FGFR2: variants seen among roughly 807,000 people sequenced by gnomAD.
The protein encoded by FGFR2 is BEK fibroblast growth factor receptor.
Under a neutral mutation model 95.9 loss-of-function variants are expected in FGFR2, and 19 were observed. That is an observed-to-expected ratio of 0.20 (90% CI 0.14 to 0.29). The LOEUF is 0.29. Among genes scored for constraint, FGFR2 ranks in the 10% least tolerant of loss-of-function variants. The pLI is 1.00. For missense variants in FGFR2, 707 were observed against 1,056.9 expected, an observed-to-expected ratio of 0.67 and a Z score of 4.59; for synonymous variants, 392 against 393.3, an observed-to-expected ratio of 1.00 and a Z score of 0.04.
intron 9 of FGFR2, among the ~76,000 whole-genome samples, chr10:121,514,298 A>C (rs1242492171): frequency 1.3e-5 from 2 of 152,212 alleles, no homozygotes; most frequent in Non-Finnish European, 2.9e-5. Context: ...TCTGTGAATA[A>C]GCAGAAAAGA....
At chr10:121,596,256 C>T (rs1341323390) in intron 1 of FGFR2, among the ~76,000 whole-genome samples, 1 of 152,198 alleles carries the variant, frequency 6.6e-6, no homozygotes, top group Non-Finnish European at 1.5e-5. Flanking sequence ...GGTCCATTTT[C>T]ACCTCGGCAC....
At chr10:121,566,892 C>G (rs950853840) in intron 2 of FGFR2, among the ~76,000 whole-genome samples, 3 of 152,018 alleles carry the variant, frequency 2.0e-5, no homozygotes, top group Non-Finnish European at 2.9e-5. Flanking sequence ...AGGATCCAAC[C>G]CACACAACCT....
At chr10:121,563,350 G>T (rs1857233329) in intron 4 of FGFR2, among the ~76,000 whole-genome samples, 1 of 152,094 alleles carries the variant, frequency 6.6e-6, no homozygotes, top group Non-Finnish European at 1.5e-5. Flanking sequence ...CTCCAGCCTG[G>T]GTGACAGAAC....
At chr10:121,497,130 CAAAAAA>C (rs35537265) in intron 12 of FGFR2, among the ~76,000 whole-genome samples, 2 of 91,452 alleles carry the variant, frequency 2.2e-5, no homozygotes, top group African/African-American at 3.8e-5. Context: ...GACTTTGTCT[CAAAAAA>C]AAAAAAAAAA....
At chr10:121,574,531 AAAT>A (rs560459844) in intron 2 of FGFR2, among the ~76,000 whole-genome samples, 1 of 151,568 alleles carries the variant, frequency 6.6e-6, no homozygotes, top group Admixed American at 6.6e-5. Context: ...TCCATCTCAA[AAAT>A]AATAATAATA....
chr10:121,589,186 T>C (rs1472539459), intron 2 of FGFR2, among the ~76,000 whole-genome samples: 1 of 152,212 alleles, frequency 6.6e-6, no homozygotes, highest in Non-Finnish European at 1.5e-5. Flanking sequence ...TCCCATGTTT[T>C]CCTTTAATGA....
rs570418294 is a variant in FGFR2 at position 121,531,203 on chromosome 10, T to C, written c.748+7389A>G. On this transcript the variant is annotated intron_variant, in intron 6 of 17. Transcript: ENST00000358487. The surrounding 1 kb of genome is among the most constrained non-coding windows in gnomAD (Gnocchi z 4.5). ...AAGCTGACATCGCAGAGTTCTACCA[T>C]GCCCCATCCAGGCTGGCGTGTGCCT... is the stretch of plus-strand genomic sequence containing the variant. The C allele has an allele frequency of 6.6e-6, 1 of 152,176 alleles. No homozygotes were observed. The highest frequency in any genetic ancestry group is 1.9e-4 in the East Asian group (1 of 5,184). 9.4% of individuals were successfully genotyped at this position (152,176 alleles called of 1,614,324 possible).
chr10:121,504,627 A>C (rs1848042930), intron 9 of FGFR2, among the ~76,000 whole-genome samples: 1 of 152,110 alleles, frequency 6.6e-6, no homozygotes, highest in East Asian at 1.9e-4. Context: ...GGTTTCAGAA[A>C]CCAGTGCACT....
intron 13 of FGFR2, among the ~76,000 whole-genome samples, chr10:121,493,723 C>G: frequency 6.6e-6 from 1 of 152,272 alleles, no homozygotes; most frequent in East Asian, 1.9e-4. Context: ...TTTGCTGCCT[C>G]CCAGCTGTTA....
At chr10:121,520,300 G>C (rs1850350094) in intron 6 of FGFR2, 131 bp from the exon 7 acceptor site, 1 of 857,670 alleles carries the variant, frequency 1.2e-6, no homozygotes, top group African/African-American at 1.7e-5. Context: ...TGACACCTTT[G>C]AAATAACACT....
At chr10:121,492,389 CCCCAACACT>C (rs1395594937) in intron 13 of FGFR2, among the ~76,000 whole-genome samples, 11 of 152,010 alleles carry the variant, frequency 7.2e-5, no homozygotes, top group African/African-American at 2.7e-4. Flanking sequence ...CCAACCCCTA[CCCCAACACT>C]CACACACTCA....
rs1467329139 is a variant in FGFR2, at chr10:121,553,914, C to A, written c.455-2455G>T. Among the ~76,000 whole-genome samples the A allele has an allele frequency of 2.0e-5, 3 of 152,212 alleles. No individual in the cohort carries two copies. The East Asian group carries it at 5.8e-4, about 29-fold the overall frequency. ...GTAACAGCCCAGGGACCGGCCCAGA[C>A]CACGCGCACCTATGCAGGCCTGACC... On this transcript the variant is annotated intron_variant, in intron 4 of 17. Transcript: ENST00000358487.
chr10:121,564,931 T>A lies in FGFR2; in HGVS notation c.377-352A>T, dbSNP rs530891303. The stretch of plus-strand genomic sequence containing the variant: ...TTTTTCCAACATTAACCTTTCAGTA[T>A]GCGGGGTCTCCTTGAAGAAAGAAAT... On this transcript the variant is annotated intron_variant, in intron 3 of 17. Coordinates refer to ENST00000358487, the MANE Select transcript of FGFR2 (RefSeq NM_000141.5). 2.6e-5 allele frequency among the ~76,000 whole-genome samples: 4 copies of A among 152,328 alleles called. No homozygotes were observed. In the South Asian group the frequency reaches 8.3e-4, roughly 32 times the overall value.
intron 2 of FGFR2, among the ~76,000 whole-genome samples, chr10:121,568,018 G>A (rs1857963254): frequency 6.6e-6 from 1 of 152,228 alleles, no homozygotes; most frequent in Admixed American, 6.5e-5. Flanking sequence ...TCTTAGAGCA[G>A]GTCTCTCAAG....
Position 121,565,634 on chromosome 10 carries a change from C to G in FGFR2, c.180G>C (p.Val60=), listed in dbSNP as rs2135121283. 6.2e-7 allele frequency: 1 copy of G among 1,614,224 alleles called. No individual in the cohort carries two copies. Among genetic ancestry groups the G allele is most frequent in the East Asian group, 2.2e-5 (1 of 44,880 alleles). The change falls in exon 3 of 18, where the codon GTG becomes GTC. Residue 60 remains valine (V), a synonymous_variant. Transcript: ENST00000358487. ...YVAAPGESLE[V]RCLLKDAAVI... ...CGGCGGCATCTTTCAACAGGCAGCGCACCTCTAGCGACTCCCCTGGCGCAG... is the reference window on the plus strand; with the variant it reads ...CGGCGGCATCTTTCAACAGGCAGCGGACCTCTAGCGACTCCCCTGGCGCAG...
rs750244862 is a variant in FGFR2 at position 121,487,377 on chromosome 10, T to A, written c.2034A>T (p.Arg678Ser). ...KWMAPEALFD[R>S]VYTHQSDVWS... ...ACACATCACTCTGATGAGTGTATAC[T>A]CTATCAAACAGGGCTTCTGGAGCCA... Residue 678 changes from arginine to serine, a missense_variant, in exon 15 of 18, where the codon AGA becomes AGT. By Grantham distance (110) the Arg-to-Ser change is moderately radical (BLOSUM62 -1). Around this residue, in one of 7 missense-constraint regions of FGFR2, gnomAD observed 104 missense variants for 214.2 expected, o/e 0.49. Transcript: ENST00000358487. 1 of 1,614,104 alleles carries A rather than the reference T, an allele frequency of 6.2e-7. No individual in the cohort carries two copies. The highest frequency in any genetic ancestry group is 1.7e-5 in the Admixed American group (1 of 60,030).
At chr10:121,511,565 C>T (rs574813384) in intron 9 of FGFR2, among the ~76,000 whole-genome samples, 10 of 152,304 alleles carry the variant, frequency 6.6e-5, no homozygotes, top group East Asian at 1.9e-4. Flanking sequence ...AGAACCAACA[C>T]GCTCACAAAG....
chr10:121,497,689 A>G (rs571314195), intron 12 of FGFR2, among the ~76,000 whole-genome samples: 1 of 152,272 alleles, frequency 6.6e-6, no homozygotes, highest in African/African-American at 2.4e-5. Flanking sequence ...GGCAGACTAC[A>G]GCCTGCAAGC....
At chr10:121,491,903 G>A (rs1846188603) in intron 13 of FGFR2, among the ~76,000 whole-genome samples, 1 of 149,854 alleles carries the variant, frequency 6.7e-6, no homozygotes, top group Admixed American at 6.7e-5. Context: ...TCAGGGCCAG[G>A]CGCAGTGGCT....
Sources: allele counts gnomAD v4.1 joint callset (sites outside exome capture counted in the v4.1 genomes callset), GRCh38; gene constraint gnomAD v4.1.1; regional missense constraint gnomAD v4.1.1; non-coding constraint Gnocchi (gnomAD v3.1); transcripts MANE v1.5; gene names NCBI Gene and HGNC (gene_info 2026-07-23, HGNC 2026-07-21).